KATNAL1: variants seen among roughly 807,000 people sequenced by gnomAD.
KATNAL1 encodes the protein katanin catalytic subunit A1 like 1.
Under a neutral mutation model 55.2 loss-of-function variants are expected in KATNAL1, and 32 were observed. The observed-to-expected ratio is 0.58, with a 90% CI of 0.44 to 0.78. The LOEUF (loss-of-function observed/expected upper bound fraction) is 0.78. Ranked by LOEUF, KATNAL1 falls within the 30% of genes least tolerant of loss-of-function variation. The pLI, the probability that KATNAL1 is intolerant of heterozygous loss-of-function variation, is 0.00. For synonymous variants in KATNAL1, 193 were observed against 193.6 expected, an observed-to-expected ratio of 1.00 and a Z score of 0.02; for missense variants, 466 against 600.9, an observed-to-expected ratio of 0.78 and a Z score of 2.35.
At chr13:30,296,708 C>T (rs1253839341) in intron 1 of KATNAL1, 17 of 592,260 alleles carry the variant, frequency 2.9e-5, no homozygotes, top group East Asian at 1.9e-4. Context: ...TGGATGACGG[C>T]GAGGAATATT....
At chr13:30,294,107 T>C (rs533001721) in intron 1 of KATNAL1, among the ~76,000 whole-genome samples, 3 of 152,250 alleles carry the variant, frequency 2.0e-5, no homozygotes, top group Admixed American at 6.5e-5. Flanking sequence ...AATACTGAAA[T>C]TAGGCCAATG....
At chr13:30,264,272 C>A (rs2137485723) in intron 3 of KATNAL1, among the ~76,000 whole-genome samples, 1 of 145,328 alleles carries the variant, frequency 6.9e-6, no homozygotes, top group East Asian at 2.0e-4. Flanking sequence ...CCATAAAAAC[C>A]CTAGAAGAAA....
chr13:30,223,159 T>C (rs1875056920), intron 9 of KATNAL1, among the ~76,000 whole-genome samples: 2 of 151,000 alleles, frequency 1.3e-5, no homozygotes, highest in African/African-American at 2.4e-5. Context: ...ATGCTGTCTA[T>C]AAAAACTGCA....
chr13:30,225,231 T>A (rs1195757760), intron 9 of KATNAL1, among the ~76,000 whole-genome samples: 2 of 152,210 alleles, frequency 1.3e-5, no homozygotes, highest in Non-Finnish European at 2.9e-5. Flanking sequence ...TTGTCCTTAC[T>A]TCTACCACTT....
chr13:30,217,278 C>G (rs185607876), intron 9 of KATNAL1, among the ~76,000 whole-genome samples: 1 of 152,054 alleles, frequency 6.6e-6, no homozygotes, highest in South Asian at 2.1e-4. Flanking sequence ...CGGTGAAACC[C>G]TGTGTCTACT....
At chr13:30,214,127 A>G (rs1873967965) in intron 9 of KATNAL1, among the ~76,000 whole-genome samples, 1 of 152,200 alleles carries the variant, frequency 6.6e-6, no homozygotes, top group East Asian at 1.9e-4. Flanking sequence ...TTATACACCA[A>G]TAACAGACAA....
intron 3 of KATNAL1, among the ~76,000 whole-genome samples, chr13:30,264,876 TA>T (rs2137487768): frequency 7.2e-6 from 1 of 139,016 alleles, no homozygotes; most frequent in African/African-American, 2.7e-5. Context: ...TTACTGGGTA[TA>T]TACCCAAAGG....
At chr13:30,275,277 A>T (rs952265002) in intron 3 of KATNAL1, among the ~76,000 whole-genome samples, 28 of 152,130 alleles carry the variant, frequency 1.8e-4, no homozygotes, top group African/African-American at 6.8e-4. Flanking sequence ...AAGAGTGAGC[A>T]AGAGAGGTTG....
chr13:30,262,466 C>T (rs143012611), intron 3 of KATNAL1, among the ~76,000 whole-genome samples: 1,895 of 151,984 alleles, frequency 0.012, 39 homozygotes, highest in African/African-American at 0.044. Context: ...ATGGATAGAC[C>T]GCTAGCAAGA....
At chr13:30,260,043 C>T (rs1337238563) in intron 3 of KATNAL1, among the ~76,000 whole-genome samples, 1 of 152,192 alleles carries the variant, frequency 6.6e-6, no homozygotes, top group Non-Finnish European at 1.5e-5. Context: ...GGCAGACTGC[C>T]TCCTCAAGTG....
intron 9 of KATNAL1, among the ~76,000 whole-genome samples, chr13:30,226,893 T>G (rs1203033979): frequency 6.6e-6 from 1 of 152,108 alleles, no homozygotes; most frequent in Non-Finnish European, 1.5e-5. Context: ...CTAGACAACA[T>G]GGCAAAACCC....
At chr13:30,281,767 G>C (rs1881359860) in intron 2 of KATNAL1, 1 of 152,192 alleles carries the variant, frequency 6.6e-6, no homozygotes, top group Non-Finnish European at 1.5e-5. Flanking sequence ...AGTGGGGAGT[G>C]TCTGCATTGG....
intron 9 of KATNAL1, among the ~76,000 whole-genome samples, chr13:30,211,217 T>C (rs1312379219): frequency 2.0e-5 from 3 of 152,208 alleles, no homozygotes; most frequent in Non-Finnish European, 4.4e-5. Context: ...AAATGCCATA[T>C]ATACAGGAAA....
chr13:30,237,505 T>C (rs781157561), intron 6 of KATNAL1, among the ~76,000 whole-genome samples: 10 of 152,214 alleles, frequency 6.6e-5, no homozygotes, highest in Admixed American at 2.0e-4. Flanking sequence ...CCTTATTTTC[T>C]AAGTACAATT....
At chr13:30,271,844 TA>T (rs1182690114) in intron 3 of KATNAL1, among the ~76,000 whole-genome samples, 1 of 42,940 alleles carries the variant, frequency 2.3e-5, no homozygotes, top group Non-Finnish European at 4.4e-5. Flanking sequence ...GTGGAAGAGA[TA>T]AAAGAAGCTG....
At chr13:30,246,743 A>G (rs1449873924) in intron 4 of KATNAL1, among the ~76,000 whole-genome samples, 2 of 152,232 alleles carry the variant, frequency 1.3e-5, no homozygotes, top group Non-Finnish European at 2.9e-5. Context: ...GGATATGAAC[A>G]GACACTTCTC....
chr13:30,231,814 T>C (rs928102637), intron 6 of KATNAL1, among the ~76,000 whole-genome samples: 1 of 152,182 alleles, frequency 6.6e-6, no homozygotes, highest in African/African-American at 2.4e-5. Flanking sequence ...ACTGTTCTGT[T>C]TACACATAAT....
chr13:30,286,928 G>T (rs4326901), intron 1 of KATNAL1, among the ~76,000 whole-genome samples: 89,259 of 152,148 alleles, frequency 0.59, 28,446 homozygotes, highest in African/African-American at 0.85. Flanking sequence ...ATGACTGCCC[G>T]ATTGGATTTC....
intron 1 of KATNAL1, among the ~76,000 whole-genome samples, chr13:30,289,915 C>T (rs1408628396): frequency 2.6e-5 from 4 of 152,222 alleles, no homozygotes; most frequent in Non-Finnish European, 5.9e-5. Flanking sequence ...TTGTAAACAA[C>T]TAAGTGTGGT....
Sources: allele counts gnomAD v4.1 joint callset (sites outside exome capture counted in the v4.1 genomes callset), GRCh38; gene constraint gnomAD v4.1.1; transcripts MANE v1.5; gene names NCBI Gene and HGNC (gene_info 2026-07-23, HGNC 2026-07-21).